The following THADA variants were observed in gnomAD, a reference collection of about 807,000 sequenced individuals.
THADA encodes the protein THADA armadillo repeat containing.
THADA carries 213 observed loss-of-function variants against 219.8 expected under a neutral mutation model. That is an observed-to-expected ratio of 0.97 (90% CI 0.87 to 1.09). The LOEUF (loss-of-function observed/expected upper bound fraction) is 1.09. THADA is among the 50% of genes least tolerant of loss of function. THADA has a pLI of 0.00. For missense variants in THADA, 2,956 were observed against 2,311.3 expected, an observed-to-expected ratio of 1.28 and a Z score of -5.72; for synonymous variants, 1,018 against 828.9, an observed-to-expected ratio of 1.23 and a Z score of -3.92.
intron 31 of THADA, among the ~76,000 whole-genome samples, chr2:43,314,545 A>G (rs1378153084): frequency 1.3e-5 from 2 of 152,240 alleles, no homozygotes; most frequent in Non-Finnish European, 2.9e-5. Context: ...GTCAAGTCTT[A>G]GATAGTATTT....
chr2:43,311,371 T>C (rs1033216557), intron 31 of THADA, among the ~76,000 whole-genome samples: 1 of 151,740 alleles, frequency 6.6e-6, no homozygotes, highest in Non-Finnish European at 1.5e-5. Flanking sequence ...ACAGTAAGAG[T>C]TGGTAAGGAT....
intron 10 of THADA, among the ~76,000 whole-genome samples, chr2:43,576,370 G>C (rs1192515493): frequency 6.6e-6 from 1 of 152,142 alleles, no homozygotes; most frequent in African/African-American, 2.4e-5. Flanking sequence ...GCCCCATGAA[G>C]TCAGAAGACC....
At chr2:43,415,903 C>G (rs1387410141) in intron 28 of THADA, among the ~76,000 whole-genome samples, 1 of 152,048 alleles carries the variant, frequency 6.6e-6, no homozygotes, top group Admixed American at 6.5e-5. Context: ...TCAAGCTTTT[C>G]TTAAGTCCAG....
chr2:43,235,455 G>A (rs1667930641), intron 36 of THADA, among the ~76,000 whole-genome samples: 4 of 151,832 alleles, frequency 2.6e-5, no homozygotes, highest in Admixed American at 2.0e-4. Context: ...CACCACACCC[G>A]GCTAATTTTG....
intron 25 of THADA, among the ~76,000 whole-genome samples, chr2:43,493,571 C>G (rs898640282): frequency 6.6e-6 from 1 of 152,064 alleles, no homozygotes; most frequent in Non-Finnish European, 1.5e-5. Flanking sequence ...GCGGGCTCCA[C>G]TGGGAAAGCC....
chr2:43,521,074 G>A (rs893942464), intron 22 of THADA, among the ~76,000 whole-genome samples: 1 of 136,672 alleles, frequency 7.3e-6, no homozygotes, highest in Non-Finnish European at 1.6e-5. Flanking sequence ...GGAAGGATAG[G>A]AAGGGAAGGA....
intron 30 of THADA, among the ~76,000 whole-genome samples, chr2:43,342,008 C>T (rs1416705508): frequency 6.6e-6 from 1 of 152,132 alleles, no homozygotes; most frequent in Non-Finnish European, 1.5e-5. Context: ...CTCAGGAGTT[C>T]GAGACCAGCC....
intron 31 of THADA, among the ~76,000 whole-genome samples, chr2:43,307,041 G>A (rs1349242484): frequency 6.6e-6 from 1 of 152,290 alleles, no homozygotes. Flanking sequence ...TTTTGCTTCT[G>A]TCTATGAAAG....
intron 26 of THADA, among the ~76,000 whole-genome samples, chr2:43,458,712 AAAC>A (rs1169851614): frequency 1.3e-5 from 2 of 152,150 alleles, no homozygotes; most frequent in Non-Finnish European, 2.9e-5. Flanking sequence ...AAAACAACCA[AAAC>A]AACAACAAAA....
At chr2:43,322,991 C>A (rs1240063095) in intron 30 of THADA, among the ~76,000 whole-genome samples, 4 of 152,012 alleles carry the variant, frequency 2.6e-5, no homozygotes, top group Admixed American at 2.6e-4. Flanking sequence ...AGGCTCTATT[C>A]TTTTATAAGC....
At chr2:43,500,291 G>A (rs1688786462) in intron 24 of THADA, among the ~76,000 whole-genome samples, 2 of 152,182 alleles carry the variant, frequency 1.3e-5, no homozygotes, top group Non-Finnish European at 2.9e-5. Context: ...GCAAGAGGGG[G>A]CTTTCAGTTG....
chr2:43,336,896 C>T (rs1395964506), intron 30 of THADA, among the ~76,000 whole-genome samples: 2 of 152,324 alleles, frequency 1.3e-5, no homozygotes, highest in African/African-American at 2.4e-5. Flanking sequence ...TGCAGAAGCA[C>T]AGAGTATACT....
At chr2:43,444,313 C>A (rs1052970754) in intron 26 of THADA, among the ~76,000 whole-genome samples, 1 of 152,162 alleles carries the variant, frequency 6.6e-6, no homozygotes, top group African/African-American at 2.4e-5. Flanking sequence ...ACTCTCTGTG[C>A]CTCTCCTGTG....
chr2:43,297,450 G>A (rs1430964542), intron 31 of THADA, among the ~76,000 whole-genome samples: 1 of 105,578 alleles, frequency 9.5e-6, no homozygotes. Context: ...AGGGAGGTGG[G>A]GGGGGGTCAG....
chr2:43,291,635 C>T, intron 34 of THADA, 61 bp downstream of exon 34: 1 of 1,348,898 alleles, frequency 7.4e-7, no homozygotes, highest in Non-Finnish European at 1.0e-6. Context: ...TTACTGACAT[C>T]TTCTGAGTAA....
chr2:43,422,641 A>C (rs12712881), intron 28 of THADA, among the ~76,000 whole-genome samples: 91,540 of 152,038 alleles, frequency 0.6, 28,839 homozygotes, highest in African/African-American at 0.77. Flanking sequence ...TATAATTTTG[A>C]CTTTTCTTTA....
At chr2:43,371,458 T>C (rs1350716708) in intron 29 of THADA, among the ~76,000 whole-genome samples, 1 of 152,190 alleles carries the variant, frequency 6.6e-6, no homozygotes, top group Non-Finnish European at 1.5e-5. Flanking sequence ...TTTTTCATAA[T>C]ATAAGAAAGA....
chr2:43,521,168 G>C (rs1407450020), intron 22 of THADA, among the ~76,000 whole-genome samples: 1 of 150,328 alleles, frequency 6.7e-6, no homozygotes, highest in African/African-American at 2.4e-5. Context: ...GGGAAGGAAA[G>C]GAGGGAGGGA....
At chr2:43,248,204 G>GAGAC (rs1669439061) in intron 36 of THADA, among the ~76,000 whole-genome samples, 1 of 133,664 alleles carries the variant, frequency 7.5e-6, no homozygotes, top group Admixed American at 7.5e-5. Flanking sequence ...GAGAGAGAGA[G>GAGAC]AGAGAGAGAG....
Sources: gnomAD v4.1 joint callset for allele counts (sites outside exome capture counted in the v4.1 genomes callset) on GRCh38, gnomAD v4.1.1 for gene constraint, MANE v1.5 for transcripts, NCBI Gene and HGNC (gene_info 2026-07-23, HGNC 2026-07-21) for gene names.